The following PAX7 variants were observed in gnomAD, a reference collection of about 807,000 sequenced individuals.
PAX7 encodes paired box 7, also known as paired box protein Pax-7.
A neutral mutation model predicts 50.7 loss-of-function variants in PAX7; 18 were observed. The ratio of observed to expected loss-of-function variants is 0.36; its 90% CI spans 0.25 to 0.53. The LOEUF (loss-of-function observed/expected upper bound fraction) is 0.53. Ranked by LOEUF, PAX7 falls within the 20% of genes least tolerant of loss-of-function variation. PAX7 has a pLI of 0.93. For synonymous variants in PAX7, 310 were observed against 290.4 expected (o/e 1.07, Z -0.69); for missense variants, 644 against 702.9 (o/e 0.92, Z 0.95).
intron 4 of PAX7, among the ~76,000 whole-genome samples, chr1:18,668,144 G>T (rs936127921): frequency 6.6e-6 from 1 of 152,138 alleles, no homozygotes; most frequent in Non-Finnish European, 1.5e-5. Context: ...AAATGGACAG[G>T]GGGTGGGGCA....
chr1:18,676,444 C>G (rs954605150), intron 4 of PAX7, among the ~76,000 whole-genome samples: 1 of 140,586 alleles, frequency 7.1e-6, no homozygotes, highest in Non-Finnish European at 1.5e-5. Context: ...AAAGGCCTCT[C>G]GCTGCCCAGC....
At chr1:18,702,454 A>C (rs1570194980) in intron 6 of PAX7, among the ~76,000 whole-genome samples, 2 of 152,170 alleles carry the variant, frequency 1.3e-5, no homozygotes, top group Admixed American at 6.5e-5. Context: ...CTCCAGCACC[A>C]CTGTGACTTG....
chr1:18,641,955 C>CG (rs2088262620), intron 4 of PAX7, among the ~76,000 whole-genome samples: 1 of 49,328 alleles, frequency 2.0e-5, no homozygotes, highest in African/African-American at 5.0e-5. Flanking sequence ...GATTAACCTC[C>CG]CCCCCCCCAA....
At chr1:18,702,107 C>G (rs371619448) in intron 6 of PAX7, among the ~76,000 whole-genome samples, 1 of 151,332 alleles carries the variant, frequency 6.6e-6, no homozygotes, top group Non-Finnish European at 1.5e-5. Flanking sequence ...CTGAGGCGGG[C>G]GGATCTCTTG....
intron 4 of PAX7, among the ~76,000 whole-genome samples, chr1:18,684,913 C>A (rs1274699921): frequency 6.6e-6 from 1 of 152,080 alleles, no homozygotes; most frequent in African/African-American, 2.4e-5. Context: ...TCCACTGATC[C>A]GGGATGGGTG....
At chr1:18,645,973 G>C (rs761335575) in intron 4 of PAX7, among the ~76,000 whole-genome samples, 1 of 152,150 alleles carries the variant, frequency 6.6e-6, no homozygotes, top group South Asian at 2.1e-4. Flanking sequence ...TCTCCTTCCC[G>C]CCTGGACTTC....
chr1:18,673,234 C>T (rs2088777935), intron 4 of PAX7, among the ~76,000 whole-genome samples: 1 of 152,146 alleles, frequency 6.6e-6, no homozygotes, highest in African/African-American at 2.4e-5. Context: ...TCTCTGAGCG[C>T]TTGGAATGAT....
intron 8 of PAX7, 72 bp from the exon 9 acceptor site, chr1:18,744,742 G>T: frequency 1.3e-6 from 1 of 741,808 alleles, no homozygotes; most frequent in Non-Finnish European, 2.4e-6. Flanking sequence ...GGATGGATGG[G>T]TGTAGATAGA....
intron 7 of PAX7, among the ~76,000 whole-genome samples, chr1:18,734,815 C>A (rs2089690878): frequency 6.6e-6 from 1 of 152,186 alleles, no homozygotes; most frequent in Non-Finnish European, 1.5e-5. Context: ...AGCTCTCAGC[C>A]TGGGGCCAGA....
chr1:18,693,571 C>G (rs936091374), intron 5 of PAX7, among the ~76,000 whole-genome samples: 2 of 152,234 alleles, frequency 1.3e-5, no homozygotes, highest in Admixed American at 1.3e-4. Flanking sequence ...CAGGACCCAG[C>G]GGACACCCCT....
chr1:18,650,767 C>A (rs964554007), intron 4 of PAX7, among the ~76,000 whole-genome samples: 1 of 152,176 alleles, frequency 6.6e-6, no homozygotes, highest in Admixed American at 6.5e-5. Context: ...AAGAGAGACC[C>A]AGTCCCCAAA....
rs1393523766 is a variant in PAX7 at position 18,634,504 on chromosome 1, T to C, written c.287T>C (p.Ile96Thr). Reference protein sequence around the residue: ...ILCRYQETGSIRPGAIGGSKP... With the variant: ...ILCRYQETGSTRPGAIGGSKP... ...TGCCGCTACCAGGAGACCGGGTCCA[T>C]CCGGCCTGGGGCCATCGGCGGCAGC... is the stretch of plus-strand genomic sequence containing the variant. Residue 96 changes from isoleucine to threonine, a missense_variant, in exon 2 of 9, where the codon ATC (isoleucine) becomes ACC (threonine). Physicochemically the swap from Ile to Thr is moderately conservative, Grantham distance 89 (BLOSUM62 -1). Transcript: ENST00000420770. This position sits in a 1 kb window ranked among gnomAD's most constrained non-coding sequence, Gnocchi z 4.0. The C allele has an allele frequency of 8.1e-6, 13 of 1,613,936 alleles. No homozygotes were observed. The highest frequency in any genetic ancestry group is 1.1e-5 in the Non-Finnish European group (13 of 1,180,040).
In PAX7 at chr1:18,742,451, C is replaced by T. The variant is rs116607824; in HGVS notation, c.1403-2363C>T. Among the ~76,000 whole-genome samples, 448 of 152,210 alleles carry T rather than the reference C, an allele frequency of 2.9e-3. 3 individuals carry two copies. Among genetic ancestry groups the T allele is most frequent in the African/African-American group, 1.0e-2 (415 of 41,532 alleles). ...GATTACAGGCATGAGCCACCGTGCTCGGGCAGAATGAGGCTTCTTAATGGG... is the reference window on the plus strand; with the variant it reads ...GATTACAGGCATGAGCCACCGTGCTTGGGCAGAATGAGGCTTCTTAATGGG... On this transcript the variant is annotated intron_variant, in intron 8 of 8. Coordinates refer to ENST00000420770, the MANE Select transcript of PAX7 (RefSeq NM_001135254.2).
At chr1:18,655,553 T>C (rs1174737422) in intron 4 of PAX7, among the ~76,000 whole-genome samples, 3 of 152,266 alleles carry the variant, frequency 2.0e-5, no homozygotes, top group East Asian at 3.9e-4. Context: ...CTCGCTCCCA[T>C]TGAGGGGAGC....
intron 6 of PAX7, among the ~76,000 whole-genome samples, chr1:18,702,373 C>A (rs1477031632): frequency 2.0e-5 from 3 of 151,980 alleles, no homozygotes; most frequent in Admixed American, 6.6e-5. Flanking sequence ...AGATAGCTAC[C>A]TCATAAAGCC....
intron 7 of PAX7, among the ~76,000 whole-genome samples, chr1:18,724,130 G>A (rs774225492): frequency 2.6e-5 from 4 of 152,192 alleles, no homozygotes; most frequent in South Asian, 2.1e-4. Flanking sequence ...TGGCGTCAGC[G>A]GGCTCACCCG....
intron 7 of PAX7, among the ~76,000 whole-genome samples, chr1:18,718,030 C>T (rs1323570946): frequency 6.6e-6 from 1 of 152,196 alleles, no homozygotes; most frequent in Non-Finnish European, 1.5e-5. Flanking sequence ...TATGGTTCAA[C>T]AATGTGTAGA....
At chr1:18,666,218 T>G (rs751215959) in intron 4 of PAX7, among the ~76,000 whole-genome samples, 1 of 152,210 alleles carries the variant, frequency 6.6e-6, no homozygotes, top group Non-Finnish European at 1.5e-5. Flanking sequence ...GCTGTGCCCA[T>G]CTAATTCATT....
intron 4 of PAX7, among the ~76,000 whole-genome samples, chr1:18,674,206 CAG>C (rs1298691717): frequency 2.6e-5 from 4 of 152,230 alleles, no homozygotes. Flanking sequence ...ATGAATAAAA[CAG>C]ATAAAATCCT....
Sources: allele counts gnomAD v4.1 joint callset (sites outside exome capture counted in the v4.1 genomes callset), GRCh38; gene constraint gnomAD v4.1.1; non-coding constraint Gnocchi (gnomAD v3.1); transcripts MANE v1.5; gene names NCBI Gene and HGNC (gene_info 2026-07-23, HGNC 2026-07-21).